The following SMARCD3 variants were observed in gnomAD, a reference collection of about 807,000 sequenced individuals.
SMARCD3 encodes SWI/SNF related BAF chromatin remodeling complex subunit D3, also known as SWI/SNF-related matrix-associated actin-dependent regulator of chromatin subfamily D member 3.
In SMARCD3, 14 loss-of-function variants were observed where a neutral mutation model predicts 58.0. The ratio of observed to expected loss-of-function variants is 0.24; its 90% CI spans 0.16 to 0.38. The LOEUF (loss-of-function observed/expected upper bound fraction) is 0.38. Among genes scored for constraint, SMARCD3 ranks in the 10% least tolerant of loss-of-function variants. The probability of loss-of-function intolerance (pLI) is 1.00; values close to 1 mark genes in which losing one functional copy is unlikely to be tolerated. For synonymous variants in SMARCD3, 253 were observed against 253.8 expected, an observed-to-expected ratio of 1.00 and a Z score of 0.03; for missense variants, 408 against 636.9, an observed-to-expected ratio of 0.64 and a Z score of 3.87.
intron 2 of SMARCD3, among the ~76,000 whole-genome samples, chr7:151,273,488 C>G (rs1176493772): frequency 1.3e-5 from 2 of 152,242 alleles, no homozygotes; most frequent in Admixed American, 6.5e-5. Flanking sequence ...CAGCCTGCCC[C>G]CCGTTCAACC....
intron 2 of SMARCD3, among the ~76,000 whole-genome samples, chr7:151,260,127 T>C (rs762536696): frequency 6.6e-6 from 1 of 152,136 alleles, no homozygotes; most frequent in Non-Finnish European, 1.5e-5. Flanking sequence ...GGGCTAGGAT[T>C]GCAAATCAGG....
intron 2 of SMARCD3, among the ~76,000 whole-genome samples, chr7:151,262,845 G>A (rs1803960215): frequency 6.6e-6 from 1 of 152,200 alleles, no homozygotes; most frequent in Non-Finnish European, 1.5e-5. Flanking sequence ...GCCTCCTTGG[G>A]CTCCTCTGTG....
upstream of SMARCD3, chr7:151,276,867 G>C (rs1202577718): frequency 8.9e-6 from 1 of 112,230 alleles, no homozygotes; most frequent in Non-Finnish European, 1.9e-5. Flanking sequence ...GGGGAAGCCA[G>C]GCAGGGGGAG....
In SMARCD3 at chr7:151,248,301, G is replaced by T. The variant is rs1027230144; in HGVS notation, c.78+184C>A. 3.7e-5 allele frequency among the ~76,000 whole-genome samples: 5 copies of T among 135,756 alleles called. No homozygotes were observed. The highest frequency in any genetic ancestry group is 4.6e-5 in the Non-Finnish European group (3 of 64,640). 89.1% of individuals were successfully genotyped at this position (135,756 alleles called of 152,430 possible). ...TCCCCGCCTCGCGTCAGACCCGGCC[G>T]GCCGCCTGGCGACGTGTTCGGGTGC... On this transcript the variant is annotated intron_variant, in intron 1 of 12. Transcript: ENST00000262188. The surrounding 1 kb of genome is among the most constrained non-coding windows in gnomAD (Gnocchi z 6.1).
At chr7:151,256,580 C>A (rs1030633935) in intron 2 of SMARCD3, among the ~76,000 whole-genome samples, 1 of 152,150 alleles carries the variant, frequency 6.6e-6, no homozygotes, top group Non-Finnish European at 1.5e-5. Flanking sequence ...CCACCCCACC[C>A]GGTCTCATTG....
chr7:151,272,900 G>A (rs1262624522), intron 2 of SMARCD3, among the ~76,000 whole-genome samples: 2 of 152,192 alleles, frequency 1.3e-5, no homozygotes, highest in South Asian at 2.1e-4. Context: ...AGCCACAGCT[G>A]AGGGAAGTCC....
At chr7:151,274,277 G>T (rs1164147954) in intron 2 of SMARCD3, among the ~76,000 whole-genome samples, 1 of 152,262 alleles carries the variant, frequency 6.6e-6, no homozygotes, top group African/African-American at 2.4e-5. Flanking sequence ...GTGGGGCTGG[G>T]CAGGCAGAGC....
chr7:151,258,906 CT>C (rs1224770933), intron 2 of SMARCD3, among the ~76,000 whole-genome samples: 2 of 152,178 alleles, frequency 1.3e-5, no homozygotes, highest in Non-Finnish European at 2.9e-5. Context: ...GAGGCACAGT[CT>C]GTCTCCCTGA....
chr7:151,273,859 G>T (rs993979059), intron 2 of SMARCD3, among the ~76,000 whole-genome samples: 3 of 152,206 alleles, frequency 2.0e-5, no homozygotes, highest in African/African-American at 7.2e-5. Context: ...TTTGCCCTGG[G>T]CCTGCACCTC....
chr7:151,261,415 AC>A lies in SMARCD3; in HGVS notation c.39+13698del, dbSNP rs1353228469. Among the ~76,000 whole-genome samples the A allele has an allele frequency of 3.9e-5, 6 of 151,906 alleles. No individual in the cohort carries two copies. In the East Asian group the frequency reaches 1.2e-3, roughly 29 times the overall value. ...TTGAGTCAATTGGTTCTGGGTTCAA[AC>A]CCCACCCAGCCACTGAGTGACCATA... On this transcript the variant is annotated intron_variant, in intron 2 of 13. Coordinates refer to the SMARCD3 transcript ENST00000356800.
intron 2 of SMARCD3, among the ~76,000 whole-genome samples, chr7:151,259,601 GT>G (rs112223142): frequency 4.0e-3 from 283 of 70,514 alleles, no homozygotes; most frequent in East Asian, 0.012. Flanking sequence ...CAACCTGAGA[GT>G]TTTTTTTTTT....
At chr7:151,264,797 G>T (rs1187795847) in intron 2 of SMARCD3, among the ~76,000 whole-genome samples, 4 of 152,206 alleles carry the variant, frequency 2.6e-5, no homozygotes, top group African/African-American at 9.7e-5. Flanking sequence ...CGTGGGGCCA[G>T]GCCCGGGACT....
chr7:151,245,828 G>A lies in SMARCD3; in HGVS notation c.79-157C>T, dbSNP rs969496130. 1.3e-5 allele frequency: 5 copies of A among 382,800 alleles called. No individual in the cohort carries two copies. Among genetic ancestry groups the A allele is most frequent in the Non-Finnish European group, 2.3e-5 (5 of 216,116 alleles). The allele number at this position is 382,800 out of a possible 1,614,324, so 23.7% of individuals were successfully genotyped here. A position where few individuals can be genotyped will look rare whatever the true frequency, so the allele number is the denominator to read the frequency against. On this transcript the variant is annotated intron_variant, in intron 1 of 12. Coordinates refer to ENST00000262188, the MANE Select transcript of SMARCD3 (RefSeq NM_001003801.2). This position sits in a 1 kb window ranked among gnomAD's most constrained non-coding sequence, Gnocchi z 6.2. ...ATGGGTGGGAGCGATGGGTAGGAGG[G>A]GCAGGGGCGCCGGAATCTGCGCGGC...
chr7:151,240,291 C>CA lies in SMARCD3; in HGVS notation c.1038-45_1038-44insT, dbSNP rs556219924. The CA allele has an allele frequency of 2.4e-3, 3,800 of 1,613,288 alleles. 75 individuals carry two copies. In the African/African-American group the frequency reaches 0.042, roughly 18 times the overall value. On this transcript the variant is annotated intron_variant, in intron 9 of 12. Coordinates refer to ENST00000262188, the MANE Select transcript of SMARCD3 (RefSeq NM_001003801.2). ...CCTTCGTGTCCACGATGCCCCCATA[C>CA]GGCCCCAGGGCCCCGGGGCTGGGGC...
At chr7:151,260,778 C>T (rs1156711582) in intron 2 of SMARCD3, among the ~76,000 whole-genome samples, 1 of 152,120 alleles carries the variant, frequency 6.6e-6, no homozygotes, top group Non-Finnish European at 1.5e-5. Context: ...TCCAACTGGC[C>T]CTTAAGAGGG....
chr7:151,269,227 G>A lies in SMARCD3; in HGVS notation c.39+5887C>T, dbSNP rs1795085714. Reference sequence around the variant, plus strand: ...AGGCAAAAGCACAGTGCTGCTTCCTGCTGGGCAGAGTGGAGTGGGTGCTGT... The same window carrying A: ...AGGCAAAAGCACAGTGCTGCTTCCTACTGGGCAGAGTGGAGTGGGTGCTGT... On this transcript the variant is annotated intron_variant, in intron 2 of 13. Coordinates refer to the SMARCD3 transcript ENST00000356800. Among the ~76,000 whole-genome samples the A allele has an allele frequency of 2.0e-5, 3 of 152,236 alleles. No homozygotes were observed. The South Asian group carries it at 6.2e-4, about 32-fold the overall frequency.
chr7:151,245,683 C>T lies in SMARCD3; in HGVS notation c.79-12G>A. 4.4e-6 allele frequency: 1 copy of T among 228,306 alleles called. No individual in the cohort carries two copies. Among genetic ancestry groups the T allele is most frequent in the Non-Finnish European group, 7.7e-6 (1 of 130,104 alleles). 14.1% of individuals were successfully genotyped at this position (228,306 alleles called of 1,614,324 possible). A position where few individuals can be genotyped will look rare whatever the true frequency, so the allele number is the denominator to read the frequency against. On this transcript the variant is annotated splice_polypyrimidine_tract_variant and intron_variant, in intron 1 of 12. Transcript: ENST00000262188. This position sits in a 1 kb window ranked among gnomAD's most constrained non-coding sequence, Gnocchi z 6.2. ...GGCATCCCGGGGCGCTGGGGGTGGG[C>T]GGGGGTGAAGCAGAAACGGGCGCCC...
At chr7:151,269,310 C>A (rs1369259143) in intron 2 of SMARCD3, among the ~76,000 whole-genome samples, 2 of 152,188 alleles carry the variant, frequency 1.3e-5, no homozygotes, top group South Asian at 4.1e-4. Context: ...ACGGGGGACA[C>A]CTTCCGACCC....
chr7:151,271,566 C>T (rs753936106), intron 2 of SMARCD3, among the ~76,000 whole-genome samples: 4 of 152,144 alleles, frequency 2.6e-5, no homozygotes, highest in Admixed American at 6.5e-5. Flanking sequence ...ATTACCCCTA[C>T]CTGGAGAATG....
Sources: allele counts gnomAD v4.1 joint callset (sites outside exome capture counted in the v4.1 genomes callset), GRCh38; gene constraint gnomAD v4.1.1; non-coding constraint Gnocchi (gnomAD v3.1); transcripts MANE v1.5; gene names NCBI Gene and HGNC (gene_info 2026-07-23, HGNC 2026-07-21).